The following KCNIP4 variants were observed in gnomAD, a reference collection of about 807,000 sequenced individuals.
KCNIP4 encodes potassium voltage-gated channel interacting protein 4.
KCNIP4 carries 12 observed loss-of-function variants against 34.0 expected under a neutral mutation model. The ratio of observed to expected loss-of-function variants is 0.35; its 90% CI spans 0.23 to 0.57. The LOEUF is 0.57. Ranked by LOEUF, KCNIP4 falls within the 20% of genes least tolerant of loss-of-function variation. The pLI is 0.83. For synonymous variants in KCNIP4, 124 were observed against 102.2 expected (o/e 1.21, Z -1.29); for missense variants, 238 against 311.7 (o/e 0.76, Z 1.78).
intron 1 of KCNIP4, among the ~76,000 whole-genome samples, chr4:21,400,576 TTCG>T: frequency 1.1e-5 from 1 of 90,552 alleles, no homozygotes; most frequent in South Asian, 3.6e-4. Flanking sequence ...TTCTCTTCTC[TTCG>T]TTCTTTCTTT....
intron 1 of KCNIP4, among the ~76,000 whole-genome samples, chr4:21,906,971 C>A (rs560710217): frequency 2.0e-5 from 3 of 152,172 alleles, no homozygotes; most frequent in Non-Finnish European, 4.4e-5. Flanking sequence ...ATACACGAAG[C>A]TTTAGTTTCT....
intron 1 of KCNIP4, among the ~76,000 whole-genome samples, chr4:21,069,841 A>G (rs1415800584): frequency 6.6e-6 from 1 of 152,202 alleles, no homozygotes; most frequent in Admixed American, 6.5e-5. Flanking sequence ...TAACACCAAA[A>G]CACGACTTTG....
intron 3 of KCNIP4, among the ~76,000 whole-genome samples, chr4:20,779,150 A>G (rs1200369787): frequency 1.3e-5 from 2 of 152,214 alleles, no homozygotes; most frequent in Admixed American, 6.5e-5. Context: ...TGCCAGCTAT[A>G]CACTGGACTT....
At chr4:20,985,165 G>A in intron 1 of KCNIP4, among the ~76,000 whole-genome samples, 1 of 152,068 alleles carries the variant, frequency 6.6e-6, no homozygotes, top group East Asian at 1.9e-4. Flanking sequence ...AGACCTCCAG[G>A]GTCATTTGCA....
intron 1 of KCNIP4, among the ~76,000 whole-genome samples, chr4:21,547,762 A>T (rs1259187210): frequency 2.0e-5 from 3 of 152,134 alleles, no homozygotes; most frequent in Non-Finnish European, 2.9e-5. Flanking sequence ...GAATATTTGC[A>T]TACGTATTTG....
intron 1 of KCNIP4, among the ~76,000 whole-genome samples, chr4:20,939,703 A>G (rs930747013): frequency 5.9e-5 from 9 of 152,146 alleles, no homozygotes; most frequent in African/African-American, 2.2e-4. Context: ...TAAACAGCAC[A>G]TACATCTGTG....
At chr4:21,348,092 A>G (rs917432078) in intron 1 of KCNIP4, among the ~76,000 whole-genome samples, 1 of 152,118 alleles carries the variant, frequency 6.6e-6, no homozygotes, top group Non-Finnish European at 1.5e-5. Context: ...CTGGAAAGTG[A>G]CTCAATGGAA....
chr4:21,769,220 C>G (rs1192170031), intron 1 of KCNIP4, among the ~76,000 whole-genome samples: 4 of 152,172 alleles, frequency 2.6e-5, no homozygotes, highest in African/African-American at 9.6e-5. Context: ...AAACTGGATA[C>G]TTTTATCATT....
chr4:21,762,514 T>C (rs1040779227), intron 1 of KCNIP4, among the ~76,000 whole-genome samples: 2 of 152,188 alleles, frequency 1.3e-5, no homozygotes, highest in African/African-American at 4.8e-5. Flanking sequence ...AAATCTGGGC[T>C]GCCTTTAACT....
At chr4:21,382,902 T>A (rs1457043386) in intron 1 of KCNIP4, among the ~76,000 whole-genome samples, 2 of 152,228 alleles carry the variant, frequency 1.3e-5, no homozygotes, top group Non-Finnish European at 2.9e-5. Flanking sequence ...TACCACCATT[T>A]GAATTGTGTC....
chr4:21,308,703 G>A (rs1226444895), intron 1 of KCNIP4, among the ~76,000 whole-genome samples: 3 of 119,332 alleles, frequency 2.5e-5, no homozygotes, highest in Non-Finnish European at 5.4e-5. Context: ...CTGTGCCCCT[G>A]CCGTGTGAGT....
At position 20,734,646 on chromosome 4, in the gene KCNIP4, A is replaced by G; in HGVS notation, c.519T>C (p.Asp173=). 4 of 1,553,796 alleles carry G rather than the reference A, an allele frequency of 2.6e-6. No homozygotes were observed. The highest frequency in any genetic ancestry group is 3.5e-6 in the Non-Finnish European group (4 of 1,143,086). Residue 173 remains aspartate, a synonymous_variant, in exon 6 of 9, where the codon GAT becomes GAC. Coordinates refer to ENST00000382152, the MANE Select transcript of KCNIP4 (RefSeq NM_025221.6). The part of the protein sequence containing the change: ...WAFNLYDINK[D]GYITKEEMLD... ...CCCTTACCTCTTTAGTGATGTAGCC[A>G]TCTTTATTTATGTCATACAGATTAA...
chr4:21,434,098 G>T (rs1002435425), intron 1 of KCNIP4, among the ~76,000 whole-genome samples: 1 of 152,164 alleles, frequency 6.6e-6, no homozygotes, highest in Non-Finnish European at 1.5e-5. Flanking sequence ...AGCTGGAAGA[G>T]ATGCCAGGAT....
intron 1 of KCNIP4, among the ~76,000 whole-genome samples, chr4:21,538,356 A>G (rs1737394984): frequency 6.6e-6 from 1 of 152,296 alleles, no homozygotes; most frequent in Admixed American, 6.5e-5. Context: ...ATATCCATGT[A>G]CCACATGCAA....
At chr4:20,850,471 C>G (rs772998802) in intron 3 of KCNIP4, 72 bp downstream of exon 3, 2 of 1,503,996 alleles carry the variant, frequency 1.3e-6, no homozygotes, top group Non-Finnish European at 1.8e-6. Flanking sequence ...GGATATTTTC[C>G]CCCTTTTCCT....
intron 7 of KCNIP4, 40 bp downstream of exon 7, chr4:20,732,641 C>CCTAA (rs1227873975): frequency 7.5e-7 from 1 of 1,336,798 alleles, no homozygotes; most frequent in South Asian, 1.2e-5. Context: ...GAAATTTTCT[C>CCTAA]CTAACTTCAT....
chr4:21,117,230 G>T (rs1308173864), intron 1 of KCNIP4, among the ~76,000 whole-genome samples: 2 of 144,328 alleles, frequency 1.4e-5, no homozygotes, highest in African/African-American at 5.0e-5. Context: ...ATCACCTGAG[G>T]AGTCTTAAAA....
At chr4:21,374,232 G>T (rs1050557960) in intron 1 of KCNIP4, among the ~76,000 whole-genome samples, 4 of 147,018 alleles carry the variant, frequency 2.7e-5, no homozygotes, top group Admixed American at 6.6e-5. Context: ...CCCAAGACTG[G>T]CTAATTTACA....
chr4:20,915,079 C>A (rs1728679457), intron 1 of KCNIP4, among the ~76,000 whole-genome samples: 1 of 152,208 alleles, frequency 6.6e-6, no homozygotes, highest in African/African-American at 2.4e-5. Context: ...AGTTTTCTCT[C>A]TCCAAATGAC....
Sources: allele counts gnomAD v4.1 joint callset (sites outside exome capture counted in the v4.1 genomes callset), GRCh38; gene constraint gnomAD v4.1.1; transcripts MANE v1.5; gene names NCBI Gene and HGNC (gene_info 2026-07-23, HGNC 2026-07-21).